The following EDAR variants were observed in gnomAD, a reference collection of about 807,000 sequenced individuals.
EDAR encodes ectodysplasin A receptor.
A neutral mutation model predicts 51.3 loss-of-function variants in EDAR; 38 were observed. That is an observed-to-expected ratio of 0.74 (90% CI 0.57 to 0.97). The LOEUF is 0.97. EDAR is among the 50% of genes least tolerant of loss of function. The probability of loss-of-function intolerance (pLI) is 0.00; values close to 1 mark genes in which losing one functional copy is unlikely to be tolerated. For synonymous variants in EDAR, 227 were observed against 242.1 expected, an observed-to-expected ratio of 0.94 and a Z score of 0.58; for missense variants, 528 against 595.0, an observed-to-expected ratio of 0.89 and a Z score of 1.17.
At chr2:108,913,755 C>A (rs1254357034) in intron 5 of EDAR, among the ~76,000 whole-genome samples, 1 of 152,024 alleles carries the variant, frequency 6.6e-6, no homozygotes, top group African/African-American at 2.4e-5. Flanking sequence ...TCAAGATCAT[C>A]CTGGCTAACA....
chr2:108,896,881 G>T lies in EDAR; in HGVS notation c.*26C>A. 1 of 1,600,570 alleles carries T rather than the reference G, an allele frequency of 6.2e-7. No individual in the cohort carries two copies. Among genetic ancestry groups the T allele is most frequent in the Non-Finnish European group, 8.5e-7 (1 of 1,173,170 alleles). ...CCTCGTTGGCTCCTTGGCTTGTCCTGGGAGGACAGCCCACAGGCATGCTTT... is the reference window on the plus strand; with the variant it reads ...CCTCGTTGGCTCCTTGGCTTGTCCTTGGAGGACAGCCCACAGGCATGCTTT... On this transcript the variant is annotated 3_prime_UTR_variant, in exon 12 of 12. Coordinates refer to ENST00000258443, the MANE Select transcript of EDAR (RefSeq NM_022336.4).
At chr2:108,899,847 G>A (rs1006488565) in intron 11 of EDAR, among the ~76,000 whole-genome samples, 8 of 152,180 alleles carry the variant, frequency 5.3e-5, no homozygotes, top group East Asian at 3.9e-4. Context: ...ACACATTGGC[G>A]TGGTAGTGCA....
intron 4 of EDAR, among the ~76,000 whole-genome samples, chr2:108,928,705 A>G (rs989708600): frequency 3.3e-5 from 5 of 152,280 alleles, no homozygotes; most frequent in African/African-American, 7.2e-5. Flanking sequence ...GGAAGATTTT[A>G]TCTTTCTCTC....
chr2:108,983,677 C>T (rs1263473691), intron 1 of EDAR, among the ~76,000 whole-genome samples: 1 of 152,182 alleles, frequency 6.6e-6, no homozygotes, highest in African/African-American at 2.4e-5. Context: ...CTTCCAGATA[C>T]GAGGAAGGAA....
At chr2:108,977,368 A>T (rs1210757937) in intron 1 of EDAR, among the ~76,000 whole-genome samples, 1 of 152,146 alleles carries the variant, frequency 6.6e-6, no homozygotes, top group Non-Finnish European at 1.5e-5. Flanking sequence ...TCCCGGGTTC[A>T]CGCCATTCTC....
Position 108,946,894 on chromosome 2 carries a change from A to ATT in EDAR, c.-18-15863_-18-15862insAA, listed in dbSNP as rs146508673. ...CCGCCCCTGGTCCCTCCCAAATCTC[A>ATT]TCTTTTTTTTCACATTTCAAAACCA... On this transcript the variant is annotated intron_variant, in intron 1 of 11. Coordinates refer to ENST00000258443, the MANE Select transcript of EDAR (RefSeq NM_022336.4). Among the ~76,000 whole-genome samples the ATT allele has an allele frequency of 2.8e-4, 42 of 151,580 alleles. No homozygotes were observed. The East Asian group carries it at 3.6e-3, about 13-fold the overall frequency.
In EDAR at chr2:108,896,631, A is replaced by ATGGTGGGC; in HGVS notation, c.*268_*275dup. The ATGGTGGGC allele has an allele frequency of 2.1e-6, 1 of 470,626 alleles. No individual in the cohort carries two copies. The highest frequency in any genetic ancestry group is 3.8e-6 in the Non-Finnish European group (1 of 259,974). 29.2% of individuals were successfully genotyped at this position (470,626 alleles called of 1,614,324 possible). A position where few individuals can be genotyped will look rare whatever the true frequency, so the allele number is the denominator to read the frequency against. On this transcript the variant is annotated 3_prime_UTR_variant, in exon 12 of 12. Coordinates refer to ENST00000258443, the MANE Select transcript of EDAR (RefSeq NM_022336.4). Reference sequence around the variant, plus strand: ...CATTGTCTCATTGTTCAGTGAGTTAATGGTGGGCTGGTGGGCTGGCTGTAT... The same window carrying ATGGTGGGC: ...CATTGTCTCATTGTTCAGTGAGTTAATGGTGGGCTGGTGGGCTGGTGGGCTGGCTGTAT...
intron 5 of EDAR, among the ~76,000 whole-genome samples, chr2:108,921,576 G>A (rs1462142772): frequency 1.3e-5 from 2 of 152,206 alleles, no homozygotes; most frequent in Non-Finnish European, 2.9e-5. Flanking sequence ...GCCCAGAGTG[G>A]GGCTGCTGAT....
intron 1 of EDAR, among the ~76,000 whole-genome samples, chr2:108,948,019 C>T (rs1697747636): frequency 6.6e-6 from 1 of 152,248 alleles, no homozygotes; most frequent in African/African-American, 2.4e-5. Flanking sequence ...TGTGAATGCA[C>T]ATGACTGAAT....
intron 1 of EDAR, among the ~76,000 whole-genome samples, chr2:108,936,875 T>G (rs775848105): frequency 1.2e-4 from 19 of 152,212 alleles, no homozygotes; most frequent in Non-Finnish European, 2.4e-4. Context: ...TCCTGCCCCA[T>G]GCAGCACTTA....
intron 5 of EDAR, among the ~76,000 whole-genome samples, chr2:108,915,012 A>T (rs2105411464): frequency 6.6e-6 from 1 of 152,356 alleles, no homozygotes; most frequent in East Asian, 1.9e-4. Flanking sequence ...TCCTGGGCTC[A>T]AGTGATCCTC....
At chr2:108,975,004 C>T (rs907616498) in intron 1 of EDAR, among the ~76,000 whole-genome samples, 2 of 152,196 alleles carry the variant, frequency 1.3e-5, no homozygotes, top group Admixed American at 6.5e-5. Flanking sequence ...TTCTGCAAGT[C>T]CCCTCAGCAA....
At chr2:108,911,390 G>A (rs1289511299) in intron 6 of EDAR, among the ~76,000 whole-genome samples, 2 of 152,134 alleles carry the variant, frequency 1.3e-5, no homozygotes, top group Admixed American at 1.3e-4. Context: ...GGTGTGGAGA[G>A]GAAGAAAGGC....
intron 10 of EDAR, 37 bp downstream of exon 10, chr2:108,907,823 A>G (rs774186210): frequency 5.6e-6 from 9 of 1,611,144 alleles, no homozygotes; most frequent in Non-Finnish European, 6.8e-6. Flanking sequence ...AGGGAGCCAC[A>G]TCTCACAGCT....
chr2:108,978,195 T>C (rs1036750685), intron 1 of EDAR, among the ~76,000 whole-genome samples: 1 of 152,220 alleles, frequency 6.6e-6, no homozygotes, highest in Non-Finnish European at 1.5e-5. Context: ...TCACTGGGGA[T>C]AGACGTGCAT....
chr2:108,969,967 A>C (rs186461913), intron 1 of EDAR, among the ~76,000 whole-genome samples: 71 of 152,342 alleles, frequency 4.7e-4, no homozygotes, highest in African/African-American at 1.6e-3. Flanking sequence ...ACACAGTTAA[A>C]AGTGGGGAAA....
chr2:108,911,561 G>T (rs905869143), intron 6 of EDAR, among the ~76,000 whole-genome samples: 12 of 152,212 alleles, frequency 7.9e-5, no homozygotes, highest in African/African-American at 2.9e-4. Context: ...GGGCACAGGG[G>T]GTGCCTCGGC....
Position 108,916,490 on chromosome 2 carries a change from G to A in EDAR, c.443-3726C>T, listed in dbSNP as rs763203801. On this transcript the variant is annotated intron_variant, in intron 5 of 11. Coordinates refer to ENST00000258443, the MANE Select transcript of EDAR (RefSeq NM_022336.4). ...ACGTCCCCAAACAATGCCTGCAGAT[G>A]TGACATCTTCCTGCACCCACAGGCG... Among the ~76,000 whole-genome samples the A allele has an allele frequency of 4.7e-4, 72 of 152,166 alleles. 1 individual carries two copies. The highest frequency in any genetic ancestry group is 1.0e-4 in the Non-Finnish European group (7 of 68,034).
intron 11 of EDAR, among the ~76,000 whole-genome samples, chr2:108,902,182 C>T (rs890240202): frequency 1.3e-5 from 2 of 151,208 alleles, no homozygotes; most frequent in African/African-American, 4.9e-5. Context: ...AGGTTGCCAG[C>T]CTGGGACAGA....
Sources: allele counts gnomAD v4.1 joint callset (sites outside exome capture counted in the v4.1 genomes callset), GRCh38; gene constraint gnomAD v4.1.1; transcripts MANE v1.5; gene names NCBI Gene and HGNC (gene_info 2026-07-23, HGNC 2026-07-21).